SIRT1: variants seen among roughly 807,000 people sequenced by gnomAD.
The protein encoded by SIRT1 is NAD-dependent protein deacetylase sirtuin-1.
SIRT1 carries 24 observed loss-of-function variants against 67.9 expected under a neutral mutation model. That is an observed-to-expected ratio of 0.35 (90% CI 0.26 to 0.50). The LOEUF is 0.50. Ranked by LOEUF, SIRT1 falls within the 20% of genes least tolerant of loss-of-function variation. SIRT1 has a pLI of 0.98. For synonymous variants in SIRT1, 378 were observed against 350.7 expected (o/e 1.08, Z -0.87); for missense variants, 873 against 937.2 (o/e 0.93, Z 0.89).
chr10:67,909,132 T>C (rs1332407431), intron 6 of SIRT1, 124 bp from the exon 7 acceptor site: 11 of 652,140 alleles, frequency 1.7e-5, no homozygotes, highest in Non-Finnish European at 2.8e-5. Context: ...ATCCATAGCT[T>C]TTCTGTTTTG....
Position 67,913,021 on chromosome 10 carries a change from G to T in SIRT1, c.1905G>T (p.Arg635Ser), listed in dbSNP as rs1410882240. Reference protein sequence around the residue: ...PNRVAKEQISRRLDGNQYLFL... With the variant: ...PNRVAKEQISSRLDGNQYLFL... Reference sequence around the variant, plus strand: ...GAGTGGCAAAGGAGCAGATTAGTAGGCGGCTTGATGGTAAGAAAGGCAGTC... The same window carrying T: ...GAGTGGCAAAGGAGCAGATTAGTAGTCGGCTTGATGGTAAGAAAGGCAGTC... Residue 635 changes from arginine (R) to serine (S), a missense_variant, in exon 8 of 9, where the codon AGG becomes AGT. Coordinates refer to ENST00000212015, the MANE Select transcript of SIRT1 (RefSeq NM_012238.5). The T allele has an allele frequency of 1.3e-6, 2 of 1,593,196 alleles. No individual in the cohort carries two copies. The highest frequency in any genetic ancestry group is 1.7e-6 in the Non-Finnish European group (2 of 1,173,300).
chr10:67,899,508 A>T (rs1370516187), intron 4 of SIRT1, among the ~76,000 whole-genome samples: 1 of 151,808 alleles, frequency 6.6e-6, no homozygotes, highest in Non-Finnish European at 1.5e-5. Context: ...GGGAAAAAAA[A>T]TTTGTGTTGG....
At position 67,906,948 on chromosome 10, in the gene SIRT1, T is replaced by C; in HGVS notation, c.1090+11T>C. On this transcript the variant is annotated intron_variant, in intron 5 of 8. Transcript: ENST00000212015. ...TAATTCAGTGTCATGGTTAGTAAAC[T>C]TCAGAGTGGTTTTCTGTAATTTATT... 1 of 1,553,118 alleles carries C rather than the reference T, an allele frequency of 6.4e-7. No homozygotes were observed. The highest frequency in any genetic ancestry group is 2.2e-5 in the Admixed American group (1 of 45,498).
At chr10:67,913,181 ATCT>A in intron 8 of SIRT1, 150 bp downstream of exon 8, 8 of 755,316 alleles carry the variant, frequency 1.1e-5, no homozygotes, top group Non-Finnish European at 1.4e-5. Context: ...AGAAAGGTAA[ATCT>A]TCTGGTATCT....
intron 4 of SIRT1, among the ~76,000 whole-genome samples, chr10:67,904,456 A>C (rs1056436425): frequency 3.9e-5 from 6 of 152,120 alleles, no homozygotes; most frequent in Admixed American, 2.6e-4. Flanking sequence ...TAGTTTGAAC[A>C]CTATATTTAA....
chr10:67,916,389 C>G lies in SIRT1; in HGVS notation c.2040C>G (p.Cys680Trp). 1 of 1,614,078 alleles carries G rather than the reference C, an allele frequency of 6.2e-7. No individual in the cohort carries two copies. Among genetic ancestry groups the G allele is most frequent in the Non-Finnish European group, 8.5e-7 (1 of 1,180,020 alleles). ...SCGSNSDSGT[C>W]QSPSLEEPME... ...GCAGTAACAGTGATAGTGGGACATG[C>G]CAGAGTCCAAGTTTAGAAGAACCCA... The change falls in exon 9 of 9, where the codon TGC becomes TGG. Residue 680 changes from cysteine to tryptophan, a missense_variant. Physicochemically the swap from Cys to Trp is radical, Grantham distance 215. Coordinates refer to ENST00000212015, the MANE Select transcript of SIRT1 (RefSeq NM_012238.5).
intron 8 of SIRT1, 90 bp downstream of exon 8, chr10:67,913,121 G>T (rs1842924088): frequency 7.3e-6 from 9 of 1,236,810 alleles, no homozygotes; most frequent in Non-Finnish European, 8.9e-6. Flanking sequence ...AATCGATAGG[G>T]TAGCTTTATG....
chr10:67,898,237 C>A (rs1392618351), intron 4 of SIRT1, among the ~76,000 whole-genome samples: 7 of 130,180 alleles, frequency 5.4e-5, no homozygotes, highest in African/African-American at 1.8e-4. Context: ...CCAGCCTGGG[C>A]GAGAGAGTGA....
intron 4 of SIRT1, among the ~76,000 whole-genome samples, chr10:67,903,220 C>T (rs1265264275): frequency 1.3e-5 from 2 of 152,174 alleles, no homozygotes; most frequent in African/African-American, 4.8e-5. Context: ...TCTGTCTCCC[C>T]AGTAGCAGGA....
At chr10:67,891,187 T>A (rs887876109) in intron 3 of SIRT1, among the ~76,000 whole-genome samples, 1 of 152,156 alleles carries the variant, frequency 6.6e-6, no homozygotes, top group Non-Finnish European at 1.5e-5. Context: ...TCCTTATCTG[T>A]GTTAAAGATG....
At chr10:67,885,409 C>G in intron 1 of SIRT1, 13 of 1,226,992 alleles carry the variant, frequency 1.1e-5, no homozygotes, top group Non-Finnish European at 1.3e-5. Flanking sequence ...GGTCGGGAGA[C>G]TCTCGCAGTC....
intron 7 of SIRT1, among the ~76,000 whole-genome samples, chr10:67,910,767 ACT>A (rs1177881120): frequency 6.6e-6 from 1 of 152,120 alleles, no homozygotes; most frequent in Non-Finnish European, 1.5e-5. Flanking sequence ...AATCCTTATT[ACT>A]CTCAGGAAAA....
chr10:67,916,765 T>C lies in SIRT1; in HGVS notation c.*172T>C. The C allele has an allele frequency of 2.1e-6, 1 of 482,146 alleles. No individual in the cohort carries two copies. Among genetic ancestry groups the C allele is most frequent in the Non-Finnish European group, 3.6e-6 (1 of 279,458 alleles). 29.9% of individuals were successfully genotyped at this position (482,146 alleles called of 1,614,324 possible). A position where few individuals can be genotyped will look rare whatever the true frequency, so the allele number is the denominator to read the frequency against. Reference sequence around the variant, plus strand: ...GGATAATTTTTAACTTCATTATTTCTGTACTTGTACAAACTCAACACTAAC... The same window carrying C: ...GGATAATTTTTAACTTCATTATTTCCGTACTTGTACAAACTCAACACTAAC... On this transcript the variant is annotated 3_prime_UTR_variant, in exon 9 of 9. Transcript: ENST00000212015.
chr10:67,909,570 A>T, intron 7 of SIRT1, 128 bp downstream of exon 7: 1 of 808,236 alleles, frequency 1.2e-6, no homozygotes, highest in Admixed American at 3.6e-5. Flanking sequence ...TAATTTTAGA[A>T]ATTGTTTGTT....
intron 4 of SIRT1, among the ~76,000 whole-genome samples, chr10:67,893,142 ATTTTAC>A (rs1842599689): frequency 6.7e-6 from 1 of 150,276 alleles, no homozygotes; most frequent in Non-Finnish European, 1.5e-5. Context: ...ATTTTATTTT[ATTTTAC>A]TTTAAGTGCC....
At chr10:67,887,970 TA>T (rs1316622093) in intron 2 of SIRT1, among the ~76,000 whole-genome samples, 1 of 152,228 alleles carries the variant, frequency 6.6e-6, no homozygotes, top group Admixed American at 6.5e-5. Flanking sequence ...ATTGTACACT[TA>T]CCACTTCTTG....
chr10:67,916,738 A>G lies in SIRT1; in HGVS notation c.*145A>G. 3.6e-6 allele frequency: 2 copies of G among 550,114 alleles called. No homozygotes were observed. Among genetic ancestry groups the G allele is most frequent in the Non-Finnish European group, 6.0e-6 (2 of 334,926 alleles). The allele number at this position is 550,114 out of a possible 1,614,324, so 34.1% of individuals were successfully genotyped here. On this transcript the variant is annotated 3_prime_UTR_variant, in exon 9 of 9. Coordinates refer to ENST00000212015, the MANE Select transcript of SIRT1 (RefSeq NM_012238.5). ...AGGTTGGTAAAATAGATTGTTTTTC[A>G]TGGATAATTTTTAACTTCATTATTT...
At chr10:67,913,802 A>G (rs1842936605) in intron 8 of SIRT1, among the ~76,000 whole-genome samples, 1 of 152,190 alleles carries the variant, frequency 6.6e-6, no homozygotes, top group Admixed American at 6.5e-5. Flanking sequence ...TCCATTTACC[A>G]TACTTGGCGA....
chr10:67,905,737 A>G (rs1369022763), intron 4 of SIRT1, among the ~76,000 whole-genome samples: 2 of 152,116 alleles, frequency 1.3e-5, no homozygotes, highest in African/African-American at 4.8e-5. Flanking sequence ...TATAATTTCA[A>G]TTTTTGCTTA....
Sources: gnomAD v4.1 joint callset for allele counts (sites outside exome capture counted in the v4.1 genomes callset) on GRCh38, gnomAD v4.1.1 for gene constraint, MANE v1.5 for transcripts, NCBI Gene and HGNC (gene_info 2026-07-23, HGNC 2026-07-21) for gene names.